Variants in LRP1B observed in about 807,000 individuals in gnomAD.
LRP1B encodes the protein low-density lipoprotein receptor-related protein 1B.
In LRP1B, 217 loss-of-function variants were observed where a neutral mutation model predicts 556.6. The ratio of observed to expected loss-of-function variants is 0.39; its 90% CI spans 0.35 to 0.44. The LOEUF is 0.44. Ranked by LOEUF, LRP1B falls within the 20% of genes least tolerant of loss-of-function variation. The pLI, the probability that LRP1B is intolerant of heterozygous loss-of-function variation, is 1.00. For missense variants in LRP1B, 5,053 were observed against 5,620.8 expected (o/e 0.90, Z 3.23); for synonymous variants, 2,047 against 1,865.8 (o/e 1.10, Z -2.50).
chr2:140,808,970 T>C (rs568379579), intron 32 of LRP1B, among the ~76,000 whole-genome samples: 21 of 152,148 alleles, frequency 1.4e-4, no homozygotes, highest in African/African-American at 5.1e-4. Context: ...CTCTACCAGG[T>C]GACTTTTTTT....
At chr2:141,515,566 A>G (rs1463621536) in intron 2 of LRP1B, among the ~76,000 whole-genome samples, 1 of 7,756 alleles carries the variant, frequency 1.3e-4, no homozygotes, top group East Asian at 0.25. Flanking sequence ...TTATTTGCCA[A>G]TAAGAAAATT....
intron 60 of LRP1B, among the ~76,000 whole-genome samples, chr2:140,465,603 A>T (rs1573969362): frequency 6.6e-6 from 1 of 152,154 alleles, no homozygotes; most frequent in South Asian, 2.1e-4. Flanking sequence ...TTCTTTTCGC[A>T]CACTCCACCC....
chr2:141,425,078 C>A (rs1680304456), intron 3 of LRP1B, among the ~76,000 whole-genome samples: 1 of 146,624 alleles, frequency 6.8e-6, no homozygotes, highest in Non-Finnish European at 1.5e-5. Flanking sequence ...CGTCCCCCAA[C>A]CCCACAACAG....
In LRP1B at chr2:141,928,983, T is replaced by C. The variant is rs558456342; in HGVS notation, c.83-118582A>G. On this transcript the variant is annotated intron_variant, in intron 1 of 90. Transcript: ENST00000389484. ...AAAAGTATCTTTGTAGGAGAGCATA[T>C]TCCTGTTGAGAAATAGACAGCTGCC... Among the ~76,000 whole-genome samples, 3 of 152,208 alleles carry C rather than the reference T, an allele frequency of 2.0e-5. No individual in the cohort carries two copies. In the South Asian group the frequency reaches 6.2e-4, roughly 32 times the overall value.
intron 78 of LRP1B, 67 bp from the exon 79 acceptor site, chr2:140,334,626 A>G: frequency 1.2e-6 from 1 of 819,418 alleles, no homozygotes; most frequent in East Asian, 2.9e-5. Flanking sequence ...CTGCTCCGCA[A>G]AGCAGTGGCT....
intron 2 of LRP1B, among the ~76,000 whole-genome samples, chr2:141,597,120 T>C (rs1469903249): frequency 2.6e-5 from 4 of 151,822 alleles, no homozygotes; most frequent in East Asian, 3.9e-4. Flanking sequence ...GCCATTACTG[T>C]AGAAACTTTA....
At chr2:140,945,088 G>C (rs1270042065) in intron 20 of LRP1B, among the ~76,000 whole-genome samples, 1 of 152,026 alleles carries the variant, frequency 6.6e-6, no homozygotes, top group African/African-American at 2.4e-5. Context: ...AACATTAGTA[G>C]CATTTTTATA....
At chr2:141,484,144 GT>G (rs1417326236) in intron 2 of LRP1B, among the ~76,000 whole-genome samples, 1 of 149,670 alleles carries the variant, frequency 6.7e-6, no homozygotes, top group Non-Finnish European at 1.5e-5. Flanking sequence ...TTTGTATAAG[GT>G]GTAAGTAAGG....
At chr2:141,354,304 G>A (rs527945407) in intron 3 of LRP1B, among the ~76,000 whole-genome samples, 24 of 152,134 alleles carry the variant, frequency 1.6e-4, no homozygotes, top group African/African-American at 5.3e-4. Context: ...CCAGAACCAA[G>A]ATGTAGTTAT....
At chr2:140,482,887 G>T (rs111259813) in intron 59 of LRP1B, among the ~76,000 whole-genome samples, 1,729 of 152,254 alleles carry the variant, frequency 0.011, 41 homozygotes, top group African/African-American at 0.04. Flanking sequence ...ACATATGCAA[G>T]TCGCAGTGGC....
chr2:140,590,550 ATCTCTTTC>A (rs895737142), intron 43 of LRP1B, among the ~76,000 whole-genome samples: 12 of 130,442 alleles, frequency 9.2e-5, no homozygotes, highest in African/African-American at 2.9e-4. Context: ...TGTGGCCTAG[ATCTCTTTC>A]TCTCTCTCTC....
chr2:140,619,379 T>A (rs912633604), intron 41 of LRP1B, among the ~76,000 whole-genome samples: 2 of 152,188 alleles, frequency 1.3e-5, no homozygotes, highest in African/African-American at 4.8e-5. Context: ...TGTGTATGTA[T>A]ATGTATATAC....
At chr2:140,449,763 T>C (rs1686810202) in intron 63 of LRP1B, among the ~76,000 whole-genome samples, 1 of 152,206 alleles carries the variant, frequency 6.6e-6, no homozygotes, top group African/African-American at 2.4e-5. Flanking sequence ...GCCAGTTTCT[T>C]CTGTCTTTGT....
At chr2:140,951,003 G>T (rs1695698879) in intron 19 of LRP1B, among the ~76,000 whole-genome samples, 1 of 152,046 alleles carries the variant, frequency 6.6e-6, no homozygotes. Context: ...GTTCCACACA[G>T]AAATAACTAA....
At chr2:140,246,837 A>G (rs544709044) in intron 87 of LRP1B, among the ~76,000 whole-genome samples, 1 of 151,704 alleles carries the variant, frequency 6.6e-6, no homozygotes, top group East Asian at 1.9e-4. Flanking sequence ...ATGCTAGGTT[A>G]GCAGATGTGC....
At chr2:141,464,071 C>A (rs189450877) in intron 3 of LRP1B, among the ~76,000 whole-genome samples, 5 of 152,054 alleles carry the variant, frequency 3.3e-5, no homozygotes, top group Admixed American at 3.3e-4. Context: ...GCTGTCCTGG[C>A]TGGCGAATCC....
intron 1 of LRP1B, among the ~76,000 whole-genome samples, chr2:141,876,696 T>C (rs1438424952): frequency 6.6e-6 from 1 of 151,900 alleles, no homozygotes; most frequent in Non-Finnish European, 1.5e-5. Context: ...GAGAATATGA[T>C]AAATGAACAA....
At chr2:140,321,878 C>T (rs970284356) in intron 82 of LRP1B, 85 bp downstream of exon 82, 29 of 1,333,696 alleles carry the variant, frequency 2.2e-5, no homozygotes, top group East Asian at 9.3e-5. Context: ...GATGATGGAA[C>T]AGATAATTTC....
rs2104934777 is a variant in LRP1B at position 140,769,300 on chromosome 2, C to T, written c.5671G>A (p.Gly1891Arg). 6.2e-7 allele frequency: 1 copy of T among 1,611,776 alleles called. No homozygotes were observed. Among genetic ancestry groups the T allele is most frequent in the Non-Finnish European group, 8.5e-7 (1 of 1,178,410 alleles). ...LMYSVHEGIR[G>R]IPLEPSDKMD... ...TTGTCACTTGGTTCAAGAGGTATTC[C>T]CCTGATTCCTTCATGAACAGAGTAC... Residue 1891 changes from glycine (G) to arginine (R), a missense_variant, in exon 35 of 91, where the codon GGA (glycine) becomes AGA (arginine). Gly to Arg is a moderately radical substitution (Grantham distance 125). Around this residue, in one of 5 missense-constraint regions of LRP1B, gnomAD observed 3,619 missense variants for 3,931.9 expected, o/e 0.92. Coordinates refer to ENST00000389484, the MANE Select transcript of LRP1B (RefSeq NM_018557.3).
Sources: gnomAD v4.1 joint callset for allele counts (sites outside exome capture counted in the v4.1 genomes callset) on GRCh38, gnomAD v4.1.1 for gene constraint, gnomAD v4.1.1 regional missense constraint, MANE v1.5 for transcripts, NCBI Gene and HGNC (gene_info 2026-07-23, HGNC 2026-07-21) for gene names.